ATRNL1: variants seen among roughly 807,000 people sequenced by gnomAD.
The protein encoded by ATRNL1 is attractin like 1, also known as attractin-like protein 1.
A neutral mutation model predicts 182.7 loss-of-function variants in ATRNL1; 95 were observed. The ratio of observed to expected loss-of-function variants is 0.52; its 90% CI spans 0.44 to 0.62. ATRNL1 has a LOEUF of 0.62. Among genes scored for constraint, ATRNL1 ranks in the 20% least tolerant of loss-of-function variants. The probability of loss-of-function intolerance (pLI) is 0.00; values close to 1 mark genes in which losing one functional copy is unlikely to be tolerated. For missense variants in ATRNL1, 1,471 were observed against 1,679.5 expected (o/e 0.88, Z 2.17); for synonymous variants, 576 against 568.3 (o/e 1.01, Z -0.19).
At chr10:115,510,081 G>A (rs544365680) in intron 24 of ATRNL1, among the ~76,000 whole-genome samples, 1 of 152,158 alleles carries the variant, frequency 6.6e-6, no homozygotes, top group African/African-American at 2.4e-5. Context: ...GTGGAGTTTG[G>A]AGATGTACGG....
chr10:115,736,955 G>A (rs1045814219), intron 27 of ATRNL1, among the ~76,000 whole-genome samples: 1 of 151,730 alleles, frequency 6.6e-6, no homozygotes, highest in Non-Finnish European at 1.5e-5. Context: ...TTCAAACTCA[G>A]TTTTCTTACC....
intron 18 of ATRNL1, among the ~76,000 whole-genome samples, chr10:115,330,887 A>G (rs138814485): frequency 6.7e-6 from 1 of 150,198 alleles, no homozygotes; most frequent in East Asian, 2.0e-4. Flanking sequence ...TTCATTTTTT[A>G]TTCTTTTTTG....
intron 28 of ATRNL1, among the ~76,000 whole-genome samples, chr10:115,941,395 C>T (rs937023901): frequency 1.3e-5 from 2 of 152,206 alleles, no homozygotes; most frequent in African/African-American, 4.8e-5. Context: ...TACAGCGATA[C>T]AGTGGCAGTT....
intron 26 of ATRNL1, among the ~76,000 whole-genome samples, chr10:115,573,583 G>C (rs782697074): frequency 4.6e-5 from 7 of 151,952 alleles, no homozygotes; most frequent in Non-Finnish European, 1.0e-4. Context: ...CCGGGGAACC[G>C]CCCTCTTCTA....
chr10:115,880,407 TG>T (rs2134438756), intron 28 of ATRNL1, among the ~76,000 whole-genome samples: 1 of 152,326 alleles, frequency 6.6e-6, no homozygotes, highest in African/African-American at 2.4e-5. Context: ...GTGGATCACC[TG>T]GGGTCAGGAG....
intron 13 of ATRNL1, among the ~76,000 whole-genome samples, chr10:115,273,409 C>T (rs1482717716): frequency 3.3e-5 from 5 of 152,036 alleles, no homozygotes; most frequent in East Asian, 1.9e-4. Flanking sequence ...GAGATCTGTC[C>T]GCATCCCTTT....
intron 19 of ATRNL1, among the ~76,000 whole-genome samples, chr10:115,369,898 G>T (rs1395610923): frequency 3.3e-5 from 5 of 152,124 alleles, no homozygotes; most frequent in African/African-American, 1.2e-4. Context: ...TTCATGTCCT[G>T]ATATGGTTTG....
intron 1 of ATRNL1, among the ~76,000 whole-genome samples, chr10:115,094,300 A>G (rs984136762): frequency 5.9e-5 from 9 of 152,084 alleles, no homozygotes; most frequent in Non-Finnish European, 1.2e-4. Context: ...AGCGTTCCAG[A>G]TGTCCGCAGC....
intron 10 of ATRNL1, among the ~76,000 whole-genome samples, chr10:115,245,771 C>A (rs1268487771): frequency 1.3e-5 from 2 of 151,800 alleles, no homozygotes; most frequent in Non-Finnish European, 2.9e-5. Flanking sequence ...TTATTAGTTC[C>A]TCTCTCTGTT....
At chr10:115,716,260 T>C (rs183945823) in intron 26 of ATRNL1, among the ~76,000 whole-genome samples, 5 of 152,292 alleles carry the variant, frequency 3.3e-5, no homozygotes, top group East Asian at 3.9e-4. Flanking sequence ...AACCATTTTT[T>C]AGCATTTTGC....
At chr10:115,579,751 A>G (rs1343013987) in intron 26 of ATRNL1, among the ~76,000 whole-genome samples, 1 of 151,874 alleles carries the variant, frequency 6.6e-6, no homozygotes, top group Non-Finnish European at 1.5e-5. Context: ...ATGAGTTACT[A>G]TTGCCATTTT....
At chr10:115,522,810 A>C (rs560617826) in intron 25 of ATRNL1, among the ~76,000 whole-genome samples, 1 of 152,168 alleles carries the variant, frequency 6.6e-6, no homozygotes. Flanking sequence ...TCTCATTCCA[A>C]AAGGGAGAAA....
intron 19 of ATRNL1, among the ~76,000 whole-genome samples, chr10:115,386,649 C>CT (rs137991075): frequency 7.7e-4 from 114 of 148,708 alleles, no homozygotes; most frequent in African/African-American, 2.1e-3. Context: ...AAAGGTTAGT[C>CT]TTTTTTTTTT....
intron 24 of ATRNL1, among the ~76,000 whole-genome samples, chr10:115,496,649 T>C (rs532269696): frequency 1.7e-4 from 26 of 152,224 alleles, no homozygotes; most frequent in Non-Finnish European, 3.5e-4. Flanking sequence ...CTATAAACTT[T>C]CCTCTTAAGT....
At chr10:115,777,326 G>T (rs1481582038) in intron 27 of ATRNL1, among the ~76,000 whole-genome samples, 1 of 152,078 alleles carries the variant, frequency 6.6e-6, no homozygotes, top group East Asian at 1.9e-4. Flanking sequence ...ATAAAATAAA[G>T]TATTTATATA....
chr10:115,460,747 A>G (rs1415929252), intron 21 of ATRNL1, among the ~76,000 whole-genome samples: 2 of 152,144 alleles, frequency 1.3e-5, no homozygotes, highest in African/African-American at 4.8e-5. Context: ...CCTACCTAAC[A>G]GTATCTCCCT....
At chr10:115,150,155 A>T (rs924116317) in intron 5 of ATRNL1, among the ~76,000 whole-genome samples, 2 of 151,806 alleles carry the variant, frequency 1.3e-5, no homozygotes, top group Admixed American at 6.6e-5. Flanking sequence ...ATAATCTTTG[A>T]TAATCTTTTG....
chr10:115,672,272 A>C (rs1324917486), intron 26 of ATRNL1, among the ~76,000 whole-genome samples: 1 of 152,092 alleles, frequency 6.6e-6, no homozygotes, highest in African/African-American at 2.4e-5. Context: ...CTCAGGGGTT[A>C]AGTGACTTGC....
At chr10:115,882,657 G>T (rs1330774514) in intron 28 of ATRNL1, among the ~76,000 whole-genome samples, 1 of 152,182 alleles carries the variant, frequency 6.6e-6, no homozygotes, top group African/African-American at 2.4e-5. Context: ...TATAGAGGAA[G>T]GGAGAATGTT....
Sources: gnomAD v4.1 joint callset for allele counts (sites outside exome capture counted in the v4.1 genomes callset) on GRCh38, gnomAD v4.1.1 for gene constraint, MANE v1.5 for transcripts, NCBI Gene and HGNC (gene_info 2026-07-23, HGNC 2026-07-21) for gene names.